The following MGRN1 variants were observed in gnomAD, a reference collection of about 807,000 sequenced individuals.
The protein encoded by MGRN1 is mahogunin ring finger 1, also known as E3 ubiquitin-protein ligase MGRN1.
A neutral mutation model predicts 69.2 loss-of-function variants in MGRN1; 29 were observed. That is an observed-to-expected ratio of 0.42 (90% CI 0.31 to 0.57). MGRN1 has a LOEUF of 0.57. Ranked by LOEUF, MGRN1 falls within the 20% of genes least tolerant of loss-of-function variation. The pLI, the probability that MGRN1 is intolerant of heterozygous loss-of-function variation, is 0.15. For synonymous variants in MGRN1, 470 were observed against 344.2 expected, an observed-to-expected ratio of 1.37 and a Z score of -4.04; for missense variants, 998 against 796.2, an observed-to-expected ratio of 1.25 and a Z score of -3.05.
chr16:4,679,622 C>T (rs946771989), intron 11 of MGRN1, among the ~76,000 whole-genome samples: 5 of 152,192 alleles, frequency 3.3e-5, no homozygotes, highest in African/African-American at 4.8e-5. Flanking sequence ...AAGTGAGCGG[C>T]GGTGCCTGGG....
At chr16:4,680,502 GC>G (rs1168811655) in intron 12 of MGRN1, 1 of 184,248 alleles carries the variant, frequency 5.4e-6, no homozygotes, top group East Asian at 1.7e-4. Flanking sequence ...CTTGGGCTGA[GC>G]TTTTTGGTTT....
chr16:4,688,078 C>T (rs1330794024), intron 16 of MGRN1: 6 of 985,524 alleles, frequency 6.1e-6, no homozygotes, highest in Non-Finnish European at 7.2e-6. Flanking sequence ...CTCGCCGCGG[C>T]CCCCGAAGAA....
At chr16:4,682,469 G>A (rs960008759) in intron 13 of MGRN1, among the ~76,000 whole-genome samples, 1 of 152,190 alleles carries the variant, frequency 6.6e-6, no homozygotes, top group Admixed American at 6.5e-5. Flanking sequence ...CACCCTCCAT[G>A]CCCACGAGGA....
At chr16:4,657,763 T>G in intron 5 of MGRN1, among the ~76,000 whole-genome samples, 1 of 145,228 alleles carries the variant, frequency 6.9e-6, no homozygotes, top group East Asian at 2.0e-4. Context: ...TTTTTTTTTT[T>G]TTGAGACAGT....
chr16:4,683,280 C>T lies in MGRN1; in HGVS notation c.1528+11C>T. On this transcript the variant is annotated intron_variant, in intron 15 of 16. Transcript: ENST00000262370. ...CGTCACCACAGCAAGGTGAGCGCCT[C>T]CTTCCATGGGCACAAACCGCATGCA... 1.2e-6 allele frequency: 2 copies of T among 1,613,648 alleles called. No individual in the cohort carries two copies. The highest frequency in any genetic ancestry group is 1.7e-6 in the Non-Finnish European group (2 of 1,179,948).
intron 5 of MGRN1, among the ~76,000 whole-genome samples, chr16:4,658,422 C>T (rs1309231220): frequency 2.6e-5 from 4 of 151,576 alleles, no homozygotes; most frequent in South Asian, 2.1e-4. Flanking sequence ...TGTAGTCCCA[C>T]CTACTGGGGA....
intron 1 of MGRN1, among the ~76,000 whole-genome samples, chr16:4,631,629 A>G (rs146459633): frequency 5.2e-4 from 79 of 152,334 alleles, no homozygotes; most frequent in African/African-American, 1.7e-3. Context: ...GCTTGTTTAC[A>G]GTAGTTTGAT....
In MGRN1 at chr16:4,683,824, C is replaced by T; in HGVS notation, c.1529-19C>T. 1 of 1,610,226 alleles carries T rather than the reference C, an allele frequency of 6.2e-7. No individual in the cohort carries two copies. Among genetic ancestry groups the T allele is most frequent in the African/African-American group, 1.3e-5 (1 of 74,952 alleles). On this transcript the variant is annotated intron_variant, in intron 15 of 16. Coordinates refer to ENST00000262370, the MANE Select transcript of MGRN1 (RefSeq NM_015246.4). ...CTGGCCCCTGCCTGTAGGTCCCTAA[C>T]CTCACCCTCTGCCTGCAGGGACCCG...
chr16:4,664,916 C>G, intron 6 of MGRN1, 141 bp downstream of exon 6: 3 of 1,274,122 alleles, frequency 2.4e-6, no homozygotes, highest in Non-Finnish European at 3.4e-6. Flanking sequence ...GTGTGAGCAG[C>G]TTGGAGTCCC....
At chr16:4,625,582 G>A (rs1040108078) in intron 1 of MGRN1, among the ~76,000 whole-genome samples, 1 of 152,184 alleles carries the variant, frequency 6.6e-6, no homozygotes, top group African/African-American at 2.4e-5. Flanking sequence ...ATAGTTGATC[G>A]GGAGGGGCCA....
chr16:4,627,606 G>A lies in MGRN1; in HGVS notation c.88+2558G>A, dbSNP rs1619528. 4.8e-5 allele frequency among the ~76,000 whole-genome samples: 7 copies of A among 145,968 alleles called. No individual in the cohort carries two copies. In the South Asian group the frequency reaches 1.5e-3, roughly 32 times the overall value. ...ATGGAGACCATCCTGGCTAACACGG[G>A]GAAACCCCGTCTCTACTAAAAATAC... On this transcript the variant is annotated intron_variant, in intron 1 of 16. Transcript: ENST00000262370.
At chr16:4,632,798 C>G (rs983068290) in intron 1 of MGRN1, among the ~76,000 whole-genome samples, 6 of 152,140 alleles carry the variant, frequency 3.9e-5, no homozygotes, top group African/African-American at 1.2e-4. Context: ...AACAGTCACT[C>G]ACGGCCAGGC....
chr16:4,662,769 C>T (rs908006752), intron 5 of MGRN1, among the ~76,000 whole-genome samples: 1 of 152,186 alleles, frequency 6.6e-6, no homozygotes, highest in African/African-American at 2.4e-5. Context: ...GCCCACTTCA[C>T]GGGGGGACAG....
chr16:4,670,389 C>G (rs4786533), intron 8 of MGRN1, among the ~76,000 whole-genome samples: 2 of 152,038 alleles, frequency 1.3e-5, no homozygotes, highest in Non-Finnish European at 2.9e-5. Flanking sequence ...ACTACAGGCA[C>G]GCGCCACCAT....
intron 4 of MGRN1, among the ~76,000 whole-genome samples, chr16:4,655,217 T>C (rs1269934835): frequency 6.6e-6 from 1 of 151,746 alleles, no homozygotes; most frequent in African/African-American, 2.4e-5. Flanking sequence ...CACAGGCCAG[T>C]GTAAGTTGTC....
At chr16:4,680,230 C>A in intron 12 of MGRN1, 133 bp downstream of exon 12, 4 of 856,128 alleles carry the variant, frequency 4.7e-6, no homozygotes, top group South Asian at 3.3e-5. Context: ...CTTGCCCAGT[C>A]CCGGCCTCCC....
At chr16:4,631,270 C>G (rs1365402692) in intron 1 of MGRN1, among the ~76,000 whole-genome samples, 1 of 152,168 alleles carries the variant, frequency 6.6e-6, no homozygotes, top group Non-Finnish European at 1.5e-5. Flanking sequence ...ATTAGTTGAC[C>G]TAAGCCAGGC....
rs1555460613 is a variant in MGRN1, at chr16:4,687,212, C to CG, written c.1619-1584_1619-1583insG. ...TGTGAGGTTGGCATCCCCCATCCCC[C>CG]CCAAGAGGCGCCCTCTACCAGGGTG... On this transcript the variant is annotated intron_variant, in intron 16 of 16. Coordinates refer to ENST00000262370, the MANE Select transcript of MGRN1 (RefSeq NM_015246.4). 6.8e-5 allele frequency: 67 copies of CG among 985,174 alleles called. No individual in the cohort carries two copies. In the East Asian group the frequency reaches 6.8e-4, roughly 10 times the overall value. 61.0% of individuals were successfully genotyped at this position (985,174 alleles called of 1,614,324 possible). A position where few individuals can be genotyped will look rare whatever the true frequency, so the allele number is the denominator to read the frequency against.
In MGRN1 at chr16:4,688,853, C is replaced by T; in HGVS notation, c.1676C>T (p.Pro559Leu). 1 of 1,555,420 alleles carries T rather than the reference C, an allele frequency of 6.4e-7. No individual in the cohort carries two copies. Among genetic ancestry groups the T allele is most frequent in the Middle Eastern group, 1.7e-4 (1 of 5,860 alleles). The change falls in exon 17 of 17, where the codon CCT (proline) becomes CTT (leucine). Residue 559 changes from proline to leucine, a missense_variant. By Grantham distance (98) the Pro-to-Leu change is moderately conservative (BLOSUM62 -3). Coordinates refer to ENST00000262370, the MANE Select transcript of MGRN1 (RefSeq NM_015246.4). Reference sequence around the variant, plus strand: ...CTCGCCACCACCAGCCCCACCTGGCCTCCACTTGGTGGCCCCAGCCCCGAT... The same window carrying T: ...CTCGCCACCACCAGCCCCACCTGGCTTCCACTTGGTGGCCCCAGCCCCGAT... Reference protein sequence around the residue: ...HGLATTSPTWPPLGGPSPDPS... With the variant: ...HGLATTSPTWLPLGGPSPDPS...
Sources: allele counts gnomAD v4.1 joint callset (sites outside exome capture counted in the v4.1 genomes callset), GRCh38; gene constraint gnomAD v4.1.1; transcripts MANE v1.5; gene names NCBI Gene and HGNC (gene_info 2026-07-23, HGNC 2026-07-21).